LRP1B: variants seen among roughly 807,000 people sequenced by gnomAD.
The protein encoded by LRP1B is low-density lipoprotein receptor-related protein 1B.
Under a neutral mutation model 556.6 loss-of-function variants are expected in LRP1B, and 217 were observed. That is an observed-to-expected ratio of 0.39 (90% CI 0.35 to 0.44). The LOEUF (loss-of-function observed/expected upper bound fraction) is 0.44, where lower values mean the gene tolerates loss of function less well. Among genes scored for constraint, LRP1B ranks in the 20% least tolerant of loss-of-function variants. LRP1B has a pLI of 1.00. For synonymous variants in LRP1B, 2,047 were observed against 1,865.8 expected (o/e 1.10, Z -2.50); for missense variants, 5,053 against 5,620.8 (o/e 0.90, Z 3.23).
At chr2:141,224,963 C>T (rs565615561) in intron 6 of LRP1B, among the ~76,000 whole-genome samples, 1 of 151,856 alleles carries the variant, frequency 6.6e-6, no homozygotes, top group Non-Finnish European at 1.5e-5. Context: ...CACATGTATC[C>T]CAGAACTTGA....
intron 2 of LRP1B, among the ~76,000 whole-genome samples, chr2:141,756,804 A>G (rs906644): frequency 0.71 from 107,226 of 151,984 alleles, 37,939 homozygotes; most frequent in East Asian, 0.75. Context: ...TAGCCTAGGT[A>G]TGTAGTGGGG....
At position 141,024,036 on chromosome 2, in the gene LRP1B, C is replaced by T. The variant is rs530546552; in HGVS notation, c.1790-3934G>A. Reference sequence around the variant, plus strand: ...CTAGAGTCAGCACTTGGACAACTTTCCTGTCTCCTATTCTTGTAGTTCAAT... The same window carrying T: ...CTAGAGTCAGCACTTGGACAACTTTTCTGTCTCCTATTCTTGTAGTTCAAT... On this transcript the variant is annotated intron_variant, in intron 11 of 90. Coordinates refer to ENST00000389484, the MANE Select transcript of LRP1B (RefSeq NM_018557.3). 1.8e-4 allele frequency among the ~76,000 whole-genome samples: 28 copies of T among 152,144 alleles called. No homozygotes were observed. The South Asian group carries it at 4.1e-3, about 23-fold the overall frequency.
At chr2:140,688,270 T>A (rs182208648) in intron 41 of LRP1B, among the ~76,000 whole-genome samples, 1 of 152,270 alleles carries the variant, frequency 6.6e-6, no homozygotes, top group East Asian at 1.9e-4. Context: ...CTCTTGAAGG[T>A]AACAGAATCA....
chr2:142,039,045 T>C (rs887658031), intron 1 of LRP1B, among the ~76,000 whole-genome samples: 1 of 151,610 alleles, frequency 6.6e-6, no homozygotes, highest in African/African-American at 2.4e-5. Context: ...TGAAAAGAAA[T>C]GATTCACACC....
intron 37 of LRP1B, among the ~76,000 whole-genome samples, chr2:140,709,708 C>G (rs1424395939): frequency 2.0e-5 from 3 of 151,930 alleles, no homozygotes; most frequent in African/African-American, 7.3e-5. Context: ...TCACATTTTC[C>G]CTTGGCAATA....
intron 3 of LRP1B, among the ~76,000 whole-genome samples, chr2:141,356,654 T>C (rs1441053266): frequency 6.6e-6 from 1 of 151,910 alleles, no homozygotes; most frequent in African/African-American, 2.4e-5. Context: ...TTCAAATAAA[T>C]ACCTTGGCTA....
intron 1 of LRP1B, among the ~76,000 whole-genome samples, chr2:141,983,789 G>A (rs934490458): frequency 1.3e-5 from 2 of 152,176 alleles, no homozygotes; most frequent in African/African-American, 2.4e-5. Context: ...GGCTGGGCGT[G>A]GTGGCTCACG....
At chr2:141,751,526 T>C (rs886976973) in intron 2 of LRP1B, among the ~76,000 whole-genome samples, 1 of 152,120 alleles carries the variant, frequency 6.6e-6, no homozygotes, top group African/African-American at 2.4e-5. Context: ...GAGTGACAAC[T>C]GTGCTGATTG....
At chr2:142,098,106 T>C (rs1706440000) in intron 1 of LRP1B, among the ~76,000 whole-genome samples, 1 of 151,660 alleles carries the variant, frequency 6.6e-6, no homozygotes. Context: ...ATGAAGAGTG[T>C]GTGGTTATTT....
At chr2:141,431,743 T>A (rs980493593) in intron 3 of LRP1B, among the ~76,000 whole-genome samples, 1 of 150,672 alleles carries the variant, frequency 6.6e-6, no homozygotes, top group East Asian at 1.9e-4. Context: ...ATATTATACA[T>A]TTTAAATTTC....
intron 18 of LRP1B, among the ~76,000 whole-genome samples, chr2:140,972,028 C>T (rs7586607): frequency 1.3e-5 from 2 of 152,214 alleles, no homozygotes; most frequent in East Asian, 1.9e-4. Flanking sequence ...CAAGAAACTA[C>T]AAGCCGTTTT....
chr2:141,535,539 T>TAA (rs146068131), intron 2 of LRP1B, among the ~76,000 whole-genome samples: 7 of 143,376 alleles, frequency 4.9e-5, no homozygotes, highest in African/African-American at 1.8e-4. Flanking sequence ...AGCAATGGTA[T>TAA]AAAAAAAAAA....
At chr2:140,378,709 A>G (rs1683345020) in intron 67 of LRP1B, among the ~76,000 whole-genome samples, 2 of 152,280 alleles carry the variant, frequency 1.3e-5, no homozygotes, top group East Asian at 1.9e-4. Flanking sequence ...CTGGGCAGTG[A>G]GTCTAGCCTT....
At chr2:141,548,896 A>G (rs1685649313) in intron 2 of LRP1B, among the ~76,000 whole-genome samples, 1 of 152,110 alleles carries the variant, frequency 6.6e-6, no homozygotes, top group Non-Finnish European at 1.5e-5. Context: ...AAACAATGCA[A>G]CATAATCCCC....
intron 3 of LRP1B, among the ~76,000 whole-genome samples, chr2:141,330,779 G>A (rs974371058): frequency 9.1e-5 from 12 of 131,198 alleles, no homozygotes; most frequent in African/African-American, 1.8e-4. Flanking sequence ...TTGAGACAGA[G>A]TCTCGCTCCG....
At chr2:140,334,206 C>T (rs607063) in intron 79 of LRP1B, among the ~76,000 whole-genome samples, 4,921 of 151,862 alleles carry the variant, frequency 0.032, 276 homozygotes, top group African/African-American at 0.11. Context: ...CTGTGAAATC[C>T]GACTAATAGC....
At chr2:140,583,285 G>A (rs758164949) in intron 43 of LRP1B, among the ~76,000 whole-genome samples, 10 of 144,434 alleles carry the variant, frequency 6.9e-5, no homozygotes, top group African/African-American at 2.1e-4. Context: ...AGCAATTCTC[G>A]TGCCTCGGCC....
At chr2:142,037,377 A>G (rs1228778980) in intron 1 of LRP1B, among the ~76,000 whole-genome samples, 2 of 151,582 alleles carry the variant, frequency 1.3e-5, no homozygotes, top group East Asian at 1.9e-4. Flanking sequence ...CTTTAGAGGG[A>G]CACAGCTGCA....
At chr2:142,102,875 C>CA (rs1706617773) in intron 1 of LRP1B, among the ~76,000 whole-genome samples, 1 of 151,756 alleles carries the variant, frequency 6.6e-6, no homozygotes, top group Non-Finnish European at 1.5e-5. Flanking sequence ...TTAATGTGGA[C>CA]AAAAATAACT....
Sources: allele counts gnomAD v4.1 joint callset (sites outside exome capture counted in the v4.1 genomes callset), GRCh38; gene constraint gnomAD v4.1.1; transcripts MANE v1.5; gene names NCBI Gene and HGNC (gene_info 2026-07-23, HGNC 2026-07-21).